ZNF263: variants seen among roughly 807,000 people sequenced by gnomAD.
ZNF263 encodes zinc finger protein FPM315.
ZNF263 carries 49 observed loss-of-function variants against 63.1 expected under a neutral mutation model. The observed-to-expected ratio is 0.78, with a 90% CI of 0.62 to 0.99. The LOEUF (loss-of-function observed/expected upper bound fraction) is 0.99. Among genes scored for constraint, ZNF263 ranks in the 50% least tolerant of loss-of-function variants. The pLI, the probability that ZNF263 is intolerant of heterozygous loss-of-function variation, is 0.00. For missense variants in ZNF263, 872 were observed against 854.8 expected (o/e 1.02, Z -0.25); for synonymous variants, 352 against 324.2 (o/e 1.09, Z -0.92).
intron 4 of ZNF263, among the ~76,000 whole-genome samples, chr16:3,287,873 A>G (rs550265129): frequency 1.3e-5 from 2 of 151,926 alleles, no homozygotes; most frequent in Admixed American, 6.6e-5. Flanking sequence ...GGAACTGACC[A>G]TGTTCATTTT....
chr16:3,299,488 AT>A (rs1183167489), intron 2 of ZNF263: 2 of 1,544,114 alleles, frequency 1.3e-6, no homozygotes, highest in African/African-American at 2.8e-5. Flanking sequence ...TGCACTTTTT[AT>A]ATTGTAGATT....
At chr16:3,295,583 G>C (rs557200265), downstream of ZNF263, among the ~76,000 whole-genome samples, 201 of 152,362 alleles carry the variant, frequency 1.3e-3, no homozygotes, top group African/African-American at 4.6e-3. Context: ...CGTGCGAGCG[G>C]GCGCCAGGAA....
Position 3,290,709 on chromosome 16 carries a change from A to T in ZNF263, c.*151A>T. Reference sequence around the variant, plus strand: ...TGTGAGGGAGGTGCAGAGGCAGCAGAGGATTGGCATAAAACTGAAAAGGAG... The same window carrying T: ...TGTGAGGGAGGTGCAGAGGCAGCAGTGGATTGGCATAAAACTGAAAAGGAG... On this transcript the variant is annotated 3_prime_UTR_variant, in exon 6 of 6. Transcript: ENST00000219069. 7.0e-7 allele frequency: 1 copy of T among 1,431,882 alleles called. No homozygotes were observed. The allele number at this position is 1,431,882 out of a possible 1,614,324, so 88.7% of individuals were successfully genotyped here. A position where few individuals can be genotyped will look rare whatever the true frequency, so the allele number is the denominator to read the frequency against.
At position 3,289,876 on chromosome 16, in the gene ZNF263, C is replaced by T. The variant is rs754763420; in HGVS notation, c.1370C>T (p.Thr457Met). The change falls in exon 6 of 6, where the codon ACG (threonine) becomes ATG (methionine). Residue 457 changes from threonine (T) to methionine (M), a missense_variant. By Grantham distance (81) the Thr-to-Met change is moderately conservative. Coordinates refer to ENST00000219069, the MANE Select transcript of ZNF263 (RefSeq NM_005741.5). ...THLTRHQRTH[T>M]GEKPYQCNIC... The stretch of plus-strand genomic sequence containing the variant: ...CTGACTCGCCACCAACGCACCCACA[C>T]GGGTGAGAAGCCCTATCAGTGCAAC... 8.1e-6 allele frequency: 13 copies of T among 1,614,102 alleles called. No individual in the cohort carries two copies. Among genetic ancestry groups the T allele is most frequent in the East Asian group, 4.5e-5 (2 of 44,894 alleles).
Position 3,290,421 on chromosome 16 carries a change from A to T in ZNF263, c.1915A>T (p.Ser639Cys). 6.2e-7 allele frequency: 1 copy of T among 1,614,196 alleles called. No homozygotes were observed. The highest frequency in any genetic ancestry group is 8.5e-7 in the Non-Finnish European group (1 of 1,180,032). The change falls in exon 6 of 6, where the codon AGC becomes TGC. Residue 639 changes from serine (S) to cysteine (C), a missense_variant. Physicochemically the swap from Ser to Cys is moderately radical, Grantham distance 112. Transcript: ENST00000219069. Reference sequence around the variant, plus strand: ...CTATACCTGTCATGAGTGCGGAGACAGCTTCTCTCACAGCTCCAATCGGAT... The same window carrying T: ...CTATACCTGTCATGAGTGCGGAGACTGCTTCTCTCACAGCTCCAATCGGAT... ...KPYTCHECGD[S>C]FSHSSNRIRH...
chr16:3,285,559 C>G, intron 2 of ZNF263, 122 bp from the exon 3 acceptor site: 2 of 976,002 alleles, frequency 2.0e-6, no homozygotes, highest in Non-Finnish European at 3.2e-6. Flanking sequence ...GGCCTCTGTG[C>G]AGTTTAGCGT....
chr16:3,300,364 A>C (rs1229676267), intron 2 of ZNF263: 4 of 1,614,174 alleles, frequency 2.5e-6, no homozygotes, highest in Non-Finnish European at 3.4e-6. Flanking sequence ...CCACATGTAG[A>C]CCGCATCATC....
chr16:3,287,508 G>A (rs1296143894), intron 4 of ZNF263, among the ~76,000 whole-genome samples: 2 of 148,826 alleles, frequency 1.3e-5, no homozygotes, highest in Non-Finnish European at 3.0e-5. Context: ...GTCAGGAAGT[G>A]TGCCACTGTA....
chr16:3,287,326 C>T (rs1376531474), intron 4 of ZNF263, among the ~76,000 whole-genome samples: 2 of 150,732 alleles, frequency 1.3e-5, no homozygotes, highest in Non-Finnish European at 3.0e-5. Context: ...AGGTCAGGCT[C>T]ATCTTGAATT....
downstream of ZNF263, among the ~76,000 whole-genome samples, chr16:3,292,186 C>G (rs1039736113): frequency 1.3e-5 from 2 of 152,136 alleles, no homozygotes; most frequent in African/African-American, 4.8e-5. Context: ...AGGAAGGTAT[C>G]CAGCTGTTCT....
intron 2 of ZNF263, 26 bp downstream of exon 2, chr16:3,285,265 G>GGGAGGGA: frequency 6.3e-7 from 1 of 1,595,484 alleles, no homozygotes; most frequent in Non-Finnish European, 8.6e-7. Context: ...CTGGGCAGGT[G>GGGAGGGA]GGAGGGAGGA....
At chr16:3,284,586 C>T (rs1005382959) in intron 1 of ZNF263, among the ~76,000 whole-genome samples, 1 of 152,214 alleles carries the variant, frequency 6.6e-6, no homozygotes, top group African/African-American at 2.4e-5. Flanking sequence ...GGGAGAGCAG[C>T]ATGTAAAGTT....
chr16:3,289,593 G>A lies in ZNF263; in HGVS notation c.1087G>A (p.Gly363Ser), dbSNP rs373347177. 2.5e-6 allele frequency: 4 copies of A among 1,613,986 alleles called. No individual in the cohort carries two copies. The highest frequency in any genetic ancestry group is 2.7e-5 in the African/African-American group (2 of 74,906). Residue 363 changes from glycine to serine, a missense_variant, in exon 6 of 6, where the codon GGC becomes AGC. Coordinates refer to ENST00000219069, the MANE Select transcript of ZNF263 (RefSeq NM_005741.5). The part of the protein sequence containing the change: ...MEQALAGASS[G>S]RELGRPKELQ... ...GCAGGCCTTGGCAGGAGCCTCAAGT[G>A]GCAGAGAACTGGGGCGACCGAAGGA...
chr16:3,291,686 A>T (rs138289043), downstream of ZNF263, among the ~76,000 whole-genome samples: 42 of 152,332 alleles, frequency 2.8e-4, no homozygotes, highest in African/African-American at 8.9e-4. Flanking sequence ...TGCTGGGGTG[A>T]TGCTGTCATA....
downstream of ZNF263, among the ~76,000 whole-genome samples, chr16:3,294,511 T>A (rs184158200): frequency 6.6e-6 from 1 of 152,340 alleles, no homozygotes; most frequent in East Asian, 1.9e-4. Flanking sequence ...AAATATTTTC[T>A]TTTACTCTTC....
Position 3,290,199 on chromosome 16 carries a change from C to T in ZNF263, c.1693C>T (p.His565Tyr). 6.2e-7 allele frequency: 1 copy of T among 1,614,156 alleles called. No homozygotes were observed. The change falls in exon 6 of 6, where the codon CAT becomes TAT. Residue 565 changes from histidine (H) to tyrosine (Y), a missense_variant. Physicochemically the swap from His to Tyr is moderately conservative, Grantham distance 83. Transcript: ENST00000219069. ...TGACAGCACCCCCTTTCTTACAAAC[C>T]ATGGAGCCCATAAGGCAGAGAAGAA... is the stretch of plus-strand genomic sequence containing the variant. ...VSDSTPFLTN[H>Y]GAHKAEKKLF...
chr16:3,284,136 G>A lies in ZNF263; in HGVS notation c.318G>A (p.Pro106=), dbSNP rs145142755. The A allele has an allele frequency of 1.9e-6, 3 of 1,604,018 alleles. No individual in the cohort carries two copies. In the East Asian group the frequency reaches 6.7e-5, roughly 36 times the overall value. The change falls in exon 1 of 6, where the codon CCG becomes CCA. Residue 106 remains proline (P), a synonymous_variant. Transcript: ENST00000219069. ...AGAGCAGGGTGCAGGAGCTGCATCC[G>A]GAGAGCGGCGAAGAAGCGGTGACCC... The part of the protein sequence containing the change: ...EIQSRVQELH[P]ESGEEAVTLV...
At chr16:3,301,385 T>C (rs1215798583) in exon 3 of ZNF263, 1 of 167,124 alleles carries the variant, frequency 6.0e-6, no homozygotes, top group Non-Finnish European at 1.5e-5. Flanking sequence ...TTCAATATAG[T>C]ATTGTCAAGC....
chr16:3,283,645 T>C lies in ZNF263; in HGVS notation c.-174T>C. On this transcript the variant is annotated 5_prime_UTR_variant, in exon 1 of 6. The change abolishes the stop of an existing upstream ORF in the 5' untranslated region. Coordinates refer to ENST00000219069, the MANE Select transcript of ZNF263 (RefSeq NM_005741.5). The stretch of plus-strand genomic sequence containing the variant: ...CGGCGTGGCGGCGCCTGGGACCGAC[T>C]GAGGCCTAGGCGCCGGAGCCGGCCG... The C allele has an allele frequency of 9.2e-7, 1 of 1,082,412 alleles. No homozygotes were observed. The highest frequency in any genetic ancestry group is 3.3e-4 in the Middle Eastern group (1 of 2,994). 67.1% of individuals were successfully genotyped at this position (1,082,412 alleles called of 1,614,324 possible).
Sources: gnomAD v4.1 joint callset for allele counts (sites outside exome capture counted in the v4.1 genomes callset) on GRCh38, gnomAD v4.1.1 for gene constraint, MANE v1.5 for transcripts, NCBI Gene and HGNC (gene_info 2026-07-23, HGNC 2026-07-21) for gene names.